CCDC150: variants seen among roughly 807,000 people sequenced by gnomAD.
The protein encoded by CCDC150 is coiled-coil domain containing 150.
Under a neutral mutation model 156.5 loss-of-function variants are expected in CCDC150, and 151 were observed. The observed-to-expected ratio is 0.97, with a 90% confidence interval of 0.85 to 1.10. The LOEUF (loss-of-function observed/expected upper bound fraction) is 1.10, where lower values mean the gene tolerates loss of function less well. Ranked by LOEUF, CCDC150 falls within the 50% of genes least tolerant of loss-of-function variation. The pLI is 0.00. For synonymous variants in CCDC150, 452 were observed against 429.4 expected (o/e 1.05, Z -0.65); for missense variants, 1,312 against 1,268.1 (o/e 1.03, Z -0.53).
chr2:196,657,773 C>CA (rs1693309044), intron 4 of CCDC150, among the ~76,000 whole-genome samples: 1 of 152,280 alleles, frequency 6.6e-6, no homozygotes, highest in African/African-American at 2.4e-5. Flanking sequence ...TTAATCTTTG[C>CA]AAAATCTTGT....
chr2:196,713,349 A>C, intron 17 of CCDC150: 2 of 1,452,468 alleles, frequency 1.4e-6, no homozygotes, highest in South Asian at 1.6e-5. Context: ...TTTTATTAAT[A>C]ATTGACGATG....
At chr2:196,644,585 C>T (rs781388525) in intron 1 of CCDC150, among the ~76,000 whole-genome samples, 13 of 152,036 alleles carry the variant, frequency 8.6e-5, no homozygotes, top group Non-Finnish European at 1.3e-4. Flanking sequence ...TAGAGGAGCC[C>T]CACTTCGAAT....
chr2:196,670,219 C>T (rs934489285), intron 8 of CCDC150, among the ~76,000 whole-genome samples: 6 of 152,012 alleles, frequency 3.9e-5, no homozygotes, highest in Non-Finnish European at 7.4e-5. Context: ...TGTTTAATGA[C>T]ACTACACACT....
At chr2:196,699,834 A>G (rs1177603502) in intron 14 of CCDC150, among the ~76,000 whole-genome samples, 1 of 152,166 alleles carries the variant, frequency 6.6e-6, no homozygotes, top group African/African-American at 2.4e-5. Flanking sequence ...GTGCCTTCTC[A>G]TAGAAAATAT....
intron 13 of CCDC150, among the ~76,000 whole-genome samples, chr2:196,681,770 A>G (rs896260157): frequency 3.2e-4 from 49 of 152,122 alleles, no homozygotes; most frequent in Admixed American, 1.1e-3. Context: ...TCTTCTTTGG[A>G]GAAATGTCTA....
In CCDC150 at chr2:196,676,145, A is replaced by G. The variant is rs1466827192; in HGVS notation, c.1140A>G (p.Val380=). Reference sequence around the variant, plus strand: ...CTAATATTGCTTTTAACACTCAGGTAGAGCAGAAAATGATGACGCAGACAT... The same window carrying G: ...CTAATATTGCTTTTAACACTCAGGTGGAGCAGAAAATGATGACGCAGACAT... ...IIADHQAILQ[V]EQKMMTQTFQ... is the part of the protein sequence containing the mutation. Residue 380 remains valine, a splice_region_variant and synonymous_variant, in exon 11 of 28, where the codon GTA becomes GTG. Transcript: ENST00000389175. The G allele has an allele frequency of 1.2e-6, 2 of 1,613,492 alleles. No homozygotes were observed. Among genetic ancestry groups the G allele is most frequent in the Non-Finnish European group, 1.7e-6 (2 of 1,179,624 alleles).
intron 20 of CCDC150, 148 bp downstream of exon 20, chr2:196,720,816 G>A: frequency 1.5e-6 from 1 of 680,848 alleles, no homozygotes; most frequent in Non-Finnish European, 2.4e-6. Context: ...CTACAAATGG[G>A]AAATTGACCT....
At chr2:196,691,647 T>A (rs10172642) in intron 13 of CCDC150, among the ~76,000 whole-genome samples, 136,251 of 150,756 alleles carry the variant, frequency 0.9, 61,581 homozygotes, top group East Asian at 0.97. Context: ...TTTTTTTTTT[T>A]AAAACAGCTC....
intron 21 of CCDC150, among the ~76,000 whole-genome samples, chr2:196,723,649 A>C (rs1472016522): frequency 6.6e-6 from 1 of 152,176 alleles, no homozygotes; most frequent in East Asian, 1.9e-4. Flanking sequence ...CCAGAGAAGG[A>C]GCATTTAGTG....
Position 196,732,580 on chromosome 2 carries a change from C to A in CCDC150, c.*18C>A. On this transcript the variant is annotated 3_prime_UTR_variant, in exon 28 of 28. Coordinates refer to ENST00000389175, the MANE Select transcript of CCDC150 (RefSeq NM_001080539.2). ...GGAAGTGATGTCCTTGACAAGGGAG[C>A]TTCTTTATGTGTAGCTACACTCCAT... The A allele has an allele frequency of 1.3e-6, 2 of 1,506,252 alleles. No individual in the cohort carries two copies. The highest frequency in any genetic ancestry group is 1.8e-6 in the Non-Finnish European group (2 of 1,082,216). 93.3% of individuals were successfully genotyped at this position (1,506,252 alleles called of 1,614,324 possible). A position where few individuals can be genotyped will look rare whatever the true frequency, so the allele number is the denominator to read the frequency against.
intron 13 of CCDC150, among the ~76,000 whole-genome samples, chr2:196,685,438 G>T (rs948502746): frequency 6.6e-6 from 1 of 152,088 alleles, no homozygotes; most frequent in African/African-American, 2.4e-5. Flanking sequence ...ATTACTCCAC[G>T]TTTTAGGTGA....
intron 7 of CCDC150, 28 bp downstream of exon 7, chr2:196,666,876 C>G (rs1693875227): frequency 1.9e-6 from 3 of 1,612,498 alleles, no homozygotes; most frequent in African/African-American, 1.3e-5. Flanking sequence ...AGAAATCACC[C>G]TCTTGTTAGT....
chr2:196,717,908 A>C (rs1697635727), intron 17 of CCDC150, among the ~76,000 whole-genome samples: 2 of 151,898 alleles, frequency 1.3e-5, no homozygotes, highest in Admixed American at 1.3e-4. Flanking sequence ...AAAAAGCAGG[A>C]TGAAGGGTAC....
chr2:196,703,039 C>A (rs1231692060), intron 15 of CCDC150, among the ~76,000 whole-genome samples: 1 of 152,178 alleles, frequency 6.6e-6, no homozygotes, highest in Non-Finnish European at 1.5e-5. Context: ...GAGAGCAGAT[C>A]CCTCATTACC....
chr2:196,681,617 C>T (rs1364192424), intron 13 of CCDC150, among the ~76,000 whole-genome samples: 3 of 152,158 alleles, frequency 2.0e-5, no homozygotes, highest in South Asian at 4.1e-4. Flanking sequence ...AGTTTCTCCA[C>T]ATCCTCACAA....
chr2:196,655,558 C>G (rs531581618), intron 2 of CCDC150, among the ~76,000 whole-genome samples: 1 of 152,076 alleles, frequency 6.6e-6, no homozygotes, highest in East Asian at 1.9e-4. Context: ...GCCAGACCAT[C>G]GAGTATTCAC....
At chr2:196,730,711 G>T in intron 25 of CCDC150, 148 bp from the exon 26 acceptor site, 1 of 626,498 alleles carries the variant, frequency 1.6e-6, no homozygotes, top group East Asian at 2.8e-5. Context: ...GAAAATAACA[G>T]TTTTTATCTC....
chr2:196,718,690 T>A, intron 18 of CCDC150, 59 bp downstream of exon 18: 1 of 1,582,372 alleles, frequency 6.3e-7, no homozygotes, highest in Non-Finnish European at 8.6e-7. Flanking sequence ...ATGAAATCTT[T>A]CATGAGCCAT....
intron 15 of CCDC150, among the ~76,000 whole-genome samples, chr2:196,706,089 T>A (rs1419316652): frequency 6.6e-6 from 1 of 152,182 alleles, no homozygotes; most frequent in Non-Finnish European, 1.5e-5. Context: ...CATTGGTAGC[T>A]TGATGGGGAT....
Sources: gnomAD v4.1 joint callset for allele counts (sites outside exome capture counted in the v4.1 genomes callset) on GRCh38, gnomAD v4.1.1 for gene constraint, MANE v1.5 for transcripts, NCBI Gene and HGNC (gene_info 2026-07-23, HGNC 2026-07-21) for gene names.